The following HCST variants were observed in gnomAD, a reference collection of about 807,000 sequenced individuals.
The protein encoded by HCST is DNAX-activation protein 10.
Under a neutral mutation model 10.8 loss-of-function variants are expected in HCST, and 12 were observed. The observed-to-expected ratio is 1.12, with a 90% CI of 0.72 to 1.81. The LOEUF (loss-of-function observed/expected upper bound fraction) is 1.81. Ranked by LOEUF, HCST falls within the 40% of genes most tolerant of loss-of-function variation. The probability of loss-of-function intolerance (pLI) is 0.00; values close to 1 mark genes in which losing one functional copy is unlikely to be tolerated. For missense variants in HCST, 102 were observed against 117.9 expected (o/e 0.87, Z 0.62); for synonymous variants, 59 against 51.6 (o/e 1.14, Z -0.61).
chr19:35,904,009 C>G, intron 3 of HCST, 106 bp downstream of exon 3: 2 of 1,587,258 alleles, frequency 1.3e-6, no homozygotes, highest in Non-Finnish European at 1.7e-6. Flanking sequence ...CTGGGGAAAC[C>G]CTGGGGGAGG....
chr19:35,903,432 CA>C lies in HCST; in HGVS notation c.109+17del. 1 of 1,611,502 alleles carries C rather than the reference CA, an allele frequency of 6.2e-7. No homozygotes were observed. Among genetic ancestry groups the C allele is most frequent in the East Asian group, 2.2e-5 (1 of 44,870 alleles). On this transcript the variant is annotated intron_variant, in intron 2 of 3. Coordinates refer to ENST00000246551, the MANE Select transcript of HCST (RefSeq NM_014266.4). Reference sequence around the variant, plus strand: ...GGCACTTCAGGTATCACTTCCACCCCAGAAGCTTGGCCAGAGGCTCCCAGAA... The same window carrying C: ...GGCACTTCAGGTATCACTTCCACCCCGAAGCTTGGCCAGAGGCTCCCAGAA...
chr19:35,902,887 A>C, intron 1 of HCST: 2 of 508,788 alleles, frequency 3.9e-6, no homozygotes, highest in Non-Finnish European at 7.0e-6. Flanking sequence ...ATTTCTTGTC[A>C]CTCTCCATGT....
chr19:35,902,876 A>T, intron 1 of HCST: 1 of 532,910 alleles, frequency 1.9e-6, no homozygotes, highest in Admixed American at 3.3e-5. Flanking sequence ...TGCCACTTCC[A>T]ATTTCTTGTC....
At chr19:35,902,983 A>G (rs910004391) in intron 1 of HCST, 1 of 419,288 alleles carries the variant, frequency 2.4e-6, no homozygotes, top group African/African-American at 2.1e-5. Context: ...CCTTCTCTAC[A>G]CCCTATTTTT....
At chr19:35,902,726 G>A in intron 1 of HCST, 90 bp downstream of exon 1, 1 of 1,332,672 alleles carries the variant, frequency 7.5e-7, no homozygotes, top group African/African-American at 1.4e-5. Flanking sequence ...ATGAAAGTGG[G>A]GTTCTTCTCC....
At chr19:35,903,550 C>A in intron 2 of HCST, 134 bp downstream of exon 2, 1 of 1,056,906 alleles carries the variant, frequency 9.5e-7, no homozygotes, top group South Asian at 1.4e-5. Context: ...CAGCGACCCC[C>A]AGCCTGTGTT....
intron 3 of HCST, 29 bp downstream of exon 3, chr19:35,903,932 A>AGGTGTATAGTGTCCCTAG: frequency 1.2e-6 from 2 of 1,601,294 alleles, no homozygotes; most frequent in Non-Finnish European, 1.7e-6. Flanking sequence ...GGGGCCTGGA[A>AGGTGTATAGTGTCCCTAG]GGTGTATAGT....
chr19:35,903,547 C>A, intron 2 of HCST, 131 bp downstream of exon 2: 1 of 1,064,860 alleles, frequency 9.4e-7, no homozygotes, highest in Non-Finnish European at 1.4e-6. Flanking sequence ...AATCAGCGAC[C>A]CCCAGCCTGT....
chr19:35,903,041 A>G (rs1975619600), intron 1 of HCST: 1 of 447,484 alleles, frequency 2.2e-6, no homozygotes, highest in Non-Finnish European at 4.1e-6. Flanking sequence ...TCCAGGCTGG[A>G]GTGCAGTGGC....
intron 2 of HCST, 50 bp downstream of exon 2, chr19:35,903,466 G>A: frequency 6.7e-7 from 1 of 1,493,368 alleles, no homozygotes; most frequent in Non-Finnish European, 9.3e-7. Flanking sequence ...GAACACCCCA[G>A]TGGTTCTCCA....
intron 2 of HCST, 50 bp from the exon 3 acceptor site, chr19:35,903,722 C>T (rs746053496): frequency 1.9e-6 from 3 of 1,613,660 alleles, no homozygotes; most frequent in Non-Finnish European, 2.5e-6. Flanking sequence ...AAGCACAGCC[C>T]CAGGACGCAG....
intron 2 of HCST, 87 bp downstream of exon 2, chr19:35,903,503 A>T (rs753920599): frequency 5.7e-6 from 7 of 1,232,882 alleles, no homozygotes; most frequent in Non-Finnish European, 7.2e-6. Flanking sequence ...CCCGTCCCCA[A>T]ATCAGAGGAT....
At position 35,904,203 on chromosome 19, in the gene HCST, T is replaced by C. The variant is rs752823661; in HGVS notation, c.*43T>C. On this transcript the variant is annotated 3_prime_UTR_variant, in exon 4 of 4. Transcript: ENST00000246551. ...CCTTTGACTTCTGACCCTCTCATCC[T>C]GGATGGTGTGTGGTGGCACAGGAAC... 3.8e-5 allele frequency: 61 copies of C among 1,599,638 alleles called. No homozygotes were observed. The Admixed American group carries it at 9.5e-4, about 25-fold the overall frequency.
At position 35,904,211 on chromosome 19, in the gene HCST, G is replaced by A. The variant is rs751308673; in HGVS notation, c.*51G>A. The A allele has an allele frequency of 5.7e-6, 9 of 1,579,584 alleles. No individual in the cohort carries two copies. The highest frequency in any genetic ancestry group is 1.3e-5 in the African/African-American group (1 of 74,134). ...TTCTGACCCTCTCATCCTGGATGGT[G>A]TGTGGTGGCACAGGAACCCCCGCCC... On this transcript the variant is annotated 3_prime_UTR_variant, in exon 4 of 4. Transcript: ENST00000246551.
In HCST at chr19:35,903,861, G is replaced by C. The variant is rs1316925111; in HGVS notation, c.199G>C (p.Ala67Pro). 1.2e-6 allele frequency: 2 copies of C among 1,613,248 alleles called. No homozygotes were observed. The highest frequency in any genetic ancestry group is 1.7e-6 in the Non-Finnish European group (2 of 1,179,950). ...GGTGGCATCGCTGCTCATCGTGGGG[G>C]CGGTGTTCCTGTGCGCACGCCCACG... ...DAVASLLIVG[A>P]VFLCARPRRS... The change falls in exon 3 of 4, where the codon GCG becomes CCG. Residue 67 changes from alanine to proline, a missense_variant. Transcript: ENST00000246551.
chr19:35,904,014 G>C, intron 3 of HCST, 106 bp from the exon 4 acceptor site: 1 of 1,588,916 alleles, frequency 6.3e-7, no homozygotes. Flanking sequence ...GAAACCCTGG[G>C]GGAGGTGCCT....
At chr19:35,902,673 G>A (rs774298554) in intron 1 of HCST, 37 bp downstream of exon 1, 56 of 1,609,476 alleles carry the variant, frequency 3.5e-5, no homozygotes, top group Middle Eastern at 1.6e-4. Context: ...TAGGCAGAGC[G>A]TTTGTGAGAT....
Position 35,903,854 on chromosome 19 carries a change from C to T in HCST, c.192C>T (p.Ile64=). The T allele has an allele frequency of 6.2e-7, 1 of 1,613,446 alleles. No individual in the cohort carries two copies. Among genetic ancestry groups the T allele is most frequent in the South Asian group, 1.1e-5 (1 of 91,064 alleles). Residue 64 remains isoleucine, a synonymous_variant, in exon 3 of 4, where the codon ATC becomes ATT. Coordinates refer to ENST00000246551, the MANE Select transcript of HCST (RefSeq NM_014266.4). ...CTGATGCGGTGGCATCGCTGCTCAT[C>T]GTGGGGGCGGTGTTCCTGTGCGCAC... ...VAADAVASLL[I]VGAVFLCARP...
intron 1 of HCST, 187 bp downstream of exon 1, chr19:35,902,823 G>C: frequency 1.7e-6 from 1 of 601,628 alleles, no homozygotes; most frequent in East Asian, 2.9e-5. Flanking sequence ...GAGTTCTGGA[G>C]GGGCTGCCTG....
Sources: allele counts gnomAD v4.1 joint callset, GRCh38; gene constraint gnomAD v4.1.1; transcripts MANE v1.5; gene names NCBI Gene and HGNC (gene_info 2026-07-23, HGNC 2026-07-21).